DLGAP1: variants seen among roughly 807,000 people sequenced by gnomAD.
DLGAP1 encodes DLG associated protein 1, also known as disks large-associated protein 1.
DLGAP1 carries 11 observed loss-of-function variants against 90.8 expected under a neutral mutation model. The observed-to-expected ratio is 0.12, with a 90% confidence interval of 0.08 to 0.20. DLGAP1 has a LOEUF of 0.20. Among genes scored for constraint, DLGAP1 ranks in the 10% least tolerant of loss-of-function variants. The pLI is 1.00. For missense variants in DLGAP1, 1,050 were observed against 1,333.8 expected, an observed-to-expected ratio of 0.79 and a Z score of 3.31; for synonymous variants, 558 against 540.7, an observed-to-expected ratio of 1.03 and a Z score of -0.44.
chr18:3,743,520 A>AT (rs989370135), intron 5 of DLGAP1, among the ~76,000 whole-genome samples: 8 of 151,318 alleles, frequency 5.3e-5, no homozygotes, highest in South Asian at 4.2e-4. Context: ...ACGCCTGGCT[A>AT]TTTTTTTGTA....
At chr18:3,830,694 C>A (rs1354448457) in intron 4 of DLGAP1, among the ~76,000 whole-genome samples, 1 of 152,186 alleles carries the variant, frequency 6.6e-6, no homozygotes, top group East Asian at 1.9e-4. Context: ...TTAAAAAAAT[C>A]AAGATTTACT....
chr18:3,978,605 A>G (rs577097179), intron 3 of DLGAP1: 1 of 214,694 alleles, frequency 4.7e-6, no homozygotes, highest in East Asian at 1.1e-4. Flanking sequence ...TCTGGCCTTC[A>G]CCTTCACCAT....
intron 3 of DLGAP1, among the ~76,000 whole-genome samples, chr18:3,920,509 C>A (rs1416206558): frequency 6.6e-6 from 1 of 152,056 alleles, no homozygotes; most frequent in Non-Finnish European, 1.5e-5. Context: ...CAGTTTATGC[C>A]CCACTTTTTT....
rs989540028 is a variant in DLGAP1 at position 3,526,785 on chromosome 18, G to A, written c.2479+7409C>T. ...CATCCCCGGTTAGATAATACCAGACGTATCTATGTAACATACAAGCCACTG... is the reference window on the plus strand; with the variant it reads ...CATCCCCGGTTAGATAATACCAGACATATCTATGTAACATACAAGCCACTG... On this transcript the variant is annotated intron_variant, in intron 10 of 12. Transcript: ENST00000315677. This position sits in a 1 kb window ranked among gnomAD's most constrained non-coding sequence, Gnocchi z 4.7. Among the ~76,000 whole-genome samples, 6 of 152,154 alleles carry A rather than the reference G, an allele frequency of 3.9e-5. No individual in the cohort carries two copies. The highest frequency in any genetic ancestry group is 1.4e-4 in the African/African-American group (6 of 41,432).
chr18:3,742,922 A>G (rs2063116338), intron 5 of DLGAP1, among the ~76,000 whole-genome samples: 1 of 150,004 alleles, frequency 6.7e-6, no homozygotes, highest in South Asian at 2.1e-4. Flanking sequence ...GTATATATCT[A>G]TATCTATATT....
intron 1 of DLGAP1, among the ~76,000 whole-genome samples, chr18:4,390,332 C>T (rs974874528): frequency 6.6e-6 from 1 of 152,114 alleles, no homozygotes; most frequent in Non-Finnish European, 1.5e-5. Context: ...CACAGTGGTA[C>T]ACTTGTTGTA....
intron 7 of DLGAP1, chr18:3,654,816 G>A (rs1283267713): frequency 6.6e-6 from 1 of 152,164 alleles, no homozygotes; most frequent in Non-Finnish European, 1.5e-5. Flanking sequence ...TCTCCTCGAG[G>A]TGAGAAGGTC....
At chr18:4,028,901 A>T (rs997397463) in intron 2 of DLGAP1, among the ~76,000 whole-genome samples, 2 of 151,934 alleles carry the variant, frequency 1.3e-5, no homozygotes, top group African/African-American at 2.4e-5. Context: ...TTTTACTTAA[A>T]TTTTTTTTCA....
At chr18:3,973,041 G>A (rs947348855) in intron 3 of DLGAP1, among the ~76,000 whole-genome samples, 69 of 152,158 alleles carry the variant, frequency 4.5e-4, no homozygotes, top group African/African-American at 1.7e-3. Context: ...GTGTCTAATA[G>A]CTAATTTAAA....
At chr18:3,746,171 C>T (rs984622164) in intron 5 of DLGAP1, among the ~76,000 whole-genome samples, 1 of 152,034 alleles carries the variant, frequency 6.6e-6, no homozygotes, top group African/African-American at 2.4e-5. Flanking sequence ...TGGAGTTAGA[C>T]CTTTTTTGCC....
chr18:3,690,616 A>G (rs1156291557), intron 7 of DLGAP1, among the ~76,000 whole-genome samples: 1 of 152,220 alleles, frequency 6.6e-6, no homozygotes, highest in East Asian at 1.9e-4. Context: ...CTGAAATAAC[A>G]CATTTAGAGA....
chr18:4,027,562 T>G lies in DLGAP1; in HGVS notation c.-158-22361A>C, dbSNP rs546419682. Among the ~76,000 whole-genome samples the G allele has an allele frequency of 1.2e-3, 164 of 136,192 alleles. 1 individual carries two copies. The highest frequency in any genetic ancestry group is 3.1e-4 in the Non-Finnish European group (20 of 63,654). The allele number at this position is 136,192 out of a possible 152,430, so 89.3% of individuals were successfully genotyped here. A position where few individuals can be genotyped will look rare whatever the true frequency, so the allele number is the denominator to read the frequency against. On this transcript the variant is annotated intron_variant, in intron 2 of 12. Coordinates refer to ENST00000315677, the MANE Select transcript of DLGAP1 (RefSeq NM_004746.4). ...GAATAATGATATGCTCTAGTGAAATTAAATGAGACGGCACACTTACCTAGT... is the reference window on the plus strand; with the variant it reads ...GAATAATGATATGCTCTAGTGAAATGAAATGAGACGGCACACTTACCTAGT...
At chr18:4,270,135 G>T (rs947183190) in intron 1 of DLGAP1, among the ~76,000 whole-genome samples, 8 of 152,196 alleles carry the variant, frequency 5.3e-5, no homozygotes, top group Non-Finnish European at 1.2e-4. Context: ...CATTCTCTGA[G>T]AAAGTCCCTT....
chr18:3,564,462 G>A (rs2054322899), intron 9 of DLGAP1, among the ~76,000 whole-genome samples: 1 of 152,280 alleles, frequency 6.6e-6, no homozygotes, highest in Admixed American at 6.5e-5. Context: ...GCCAGCAAAA[G>A]GTTCTGGTAA....
intron 7 of DLGAP1, among the ~76,000 whole-genome samples, chr18:3,588,797 AAAAG>A (rs1481622445): frequency 4.0e-5 from 6 of 151,804 alleles, no homozygotes; most frequent in Non-Finnish European, 7.4e-5. Context: ...AAAAAAAGAA[AAAAG>A]AAAGAAAGAC....
intron 5 of DLGAP1, among the ~76,000 whole-genome samples, chr18:3,791,093 C>T (rs551794350): frequency 3.3e-5 from 5 of 152,208 alleles, no homozygotes; most frequent in Admixed American, 1.3e-4. Flanking sequence ...TTTTGGGCTG[C>T]GGCAATAAAG....
intron 1 of DLGAP1, among the ~76,000 whole-genome samples, chr18:4,211,874 C>T (rs529842303): frequency 6.6e-6 from 1 of 152,280 alleles, no homozygotes; most frequent in South Asian, 2.1e-4. Context: ...TCATTCTTCA[C>T]CCCTTCTCCT....
chr18:4,261,696 G>A (rs2145267166), intron 1 of DLGAP1, among the ~76,000 whole-genome samples: 1 of 152,222 alleles, frequency 6.6e-6, no homozygotes, highest in East Asian at 1.9e-4. Context: ...CGTAGCTGGT[G>A]AACTGCTAAG....
At position 4,414,619 on chromosome 18, in the gene DLGAP1, G is replaced by A. The variant is rs12958058; in HGVS notation, c.-267+40387C>T. The stretch of plus-strand genomic sequence containing the variant: ...CACACACCTGTAATCCCAGCTACTC[G>A]GGAGGCTGAGGCAGGAGAATCACTG... On this transcript the variant is annotated intron_variant, in intron 1 of 12. Transcript: ENST00000315677. Among the ~76,000 whole-genome samples, 1,360 of 151,852 alleles carry A rather than the reference G, an allele frequency of 9.0e-3. 3 individuals carry two copies. The highest frequency in any genetic ancestry group is 0.012 in the Admixed American group (182 of 15,246).
Sources: gnomAD v4.1 joint callset for allele counts (sites outside exome capture counted in the v4.1 genomes callset) on GRCh38, gnomAD v4.1.1 for gene constraint, Gnocchi (gnomAD v3.1) non-coding constraint, MANE v1.5 for transcripts, NCBI Gene and HGNC (gene_info 2026-07-23, HGNC 2026-07-21) for gene names.